Variants in SGPP2 observed in about 807,000 individuals in gnomAD.
SGPP2 encodes the protein sphingosine-1-phosphate phosphatase 2, also known as sphingosine 1-phosphate phosphohydrolase 2.
Under a neutral mutation model 33.9 loss-of-function variants are expected in SGPP2, and 30 were observed. The ratio of observed to expected loss-of-function variants is 0.89; its 90% CI spans 0.66 to 1.20. The LOEUF (loss-of-function observed/expected upper bound fraction) is 1.20, where lower values mean the gene tolerates loss of function less well. Ranked by LOEUF, SGPP2 falls within the 50% of genes most tolerant of loss-of-function variation. The pLI is 0.00. For missense variants in SGPP2, 458 were observed against 532.1 expected (o/e 0.86, Z 1.37); for synonymous variants, 233 against 225.0 (o/e 1.04, Z -0.32).
chr2:222,468,269 C>T (rs185278652), intron 1 of SGPP2, among the ~76,000 whole-genome samples: 130 of 152,056 alleles, frequency 8.5e-4, no homozygotes, highest in African/African-American at 3.1e-3. Context: ...TTGGTGGACC[C>T]TACTTCATTT....
At position 222,477,107 on chromosome 2, in the gene SGPP2, G is replaced by T. The variant is rs925129946; in HGVS notation, c.378+2381G>T. Among the ~76,000 whole-genome samples the T allele has an allele frequency of 2.7e-5, 4 of 150,908 alleles. No individual in the cohort carries two copies. The highest frequency in any genetic ancestry group is 9.8e-5 in the African/African-American group (4 of 40,858). ...TATATTTGTGAATGTATGTATATAGGTGTGTATATATGTGTATGTGTGTGT... is the reference window on the plus strand; with the variant it reads ...TATATTTGTGAATGTATGTATATAGTTGTGTATATATGTGTATGTGTGTGT... On this transcript the variant is annotated intron_variant, in intron 2 of 4. Transcript: ENST00000321276. The surrounding 1 kb of genome is among the most constrained non-coding windows in gnomAD (Gnocchi z 6.0).
intron 2 of SGPP2, among the ~76,000 whole-genome samples, chr2:222,505,934 C>CAAAAAAAAAAAAAAAAAA: frequency 1.1e-5 from 1 of 95,088 alleles, no homozygotes; most frequent in Non-Finnish European, 2.2e-5. Context: ...AACTCTGTCT[C>CAAAAAAAAAAAAAAAAAA]AAAAAAAAAA....
At chr2:222,521,479 A>G (rs1481067116) in intron 2 of SGPP2, among the ~76,000 whole-genome samples, 1 of 151,758 alleles carries the variant, frequency 6.6e-6, no homozygotes. Context: ...CTCCTAGAAC[A>G]GTGTCCAACA....
chr2:222,446,098 A>G (rs1697394853), intron 1 of SGPP2, among the ~76,000 whole-genome samples: 1 of 152,190 alleles, frequency 6.6e-6, no homozygotes, highest in African/African-American at 2.4e-5. Context: ...TGCTAGGTGA[A>G]CACTCTGGGG....
chr2:222,452,563 G>A, intron 1 of SGPP2: 1 of 1,189,938 alleles, frequency 8.4e-7, no homozygotes, highest in Non-Finnish European at 1.3e-6. Flanking sequence ...ATGCAGGACT[G>A]TAGAGATTCC....
chr2:222,452,889 A>G, intron 1 of SGPP2: 6 of 1,604,614 alleles, frequency 3.7e-6, no homozygotes, highest in Non-Finnish European at 5.1e-6. Flanking sequence ...CCAGGTCTTC[A>G]CCTGTTTGTA....
intron 2 of SGPP2, chr2:222,498,153 C>T (rs1391398277): frequency 6.6e-6 from 1 of 152,120 alleles, no homozygotes; most frequent in East Asian, 1.9e-4. Context: ...TTCAGTGTTG[C>T]CTCAACCATC....
intron 1 of SGPP2, among the ~76,000 whole-genome samples, chr2:222,458,805 A>T (rs947577434): frequency 5.3e-5 from 8 of 152,130 alleles, no homozygotes; most frequent in Non-Finnish European, 1.2e-4. Flanking sequence ...CCTCACCCCC[A>T]GCCCAGCGCA....
Position 222,454,748 on chromosome 2 carries a change from A to C in SGPP2, c.220-19820A>C, listed in dbSNP as rs539652742. Among the ~76,000 whole-genome samples the C allele has an allele frequency of 3.9e-4, 60 of 152,108 alleles. No individual in the cohort carries two copies. The South Asian group carries it at 0.012, about 32-fold the overall frequency. On this transcript the variant is annotated intron_variant, in intron 1 of 4. Coordinates refer to ENST00000321276, the MANE Select transcript of SGPP2 (RefSeq NM_152386.4). ...GTGGAGCTGTTAAAAAAAAAAAAAAAAACAGGCCAATTTGAACCTCACTCC... is the reference window on the plus strand; with the variant it reads ...GTGGAGCTGTTAAAAAAAAAAAAAACAACAGGCCAATTTGAACCTCACTCC...
chr2:222,527,093 A>G (rs1258073461), intron 4 of SGPP2, among the ~76,000 whole-genome samples: 1 of 152,248 alleles, frequency 6.6e-6, no homozygotes, highest in Non-Finnish European at 1.5e-5. Context: ...AACCCACCTC[A>G]ATAGAAACAC....
chr2:222,501,146 T>C (rs4674660), intron 2 of SGPP2, among the ~76,000 whole-genome samples: 135,887 of 152,172 alleles, frequency 0.89, 61,102 homozygotes, highest in East Asian at 1. Flanking sequence ...TGCACAAGTG[T>C]GTTAGGGCTT....
chr2:222,528,663 C>T (rs1446687297), intron 4 of SGPP2, among the ~76,000 whole-genome samples: 1 of 152,166 alleles, frequency 6.6e-6, no homozygotes, highest in Admixed American at 6.5e-5. Context: ...GTCACCTGGG[C>T]TGGAGTGCAG....
At chr2:222,469,972 G>A (rs1244782051) in intron 1 of SGPP2, among the ~76,000 whole-genome samples, 1 of 152,202 alleles carries the variant, frequency 6.6e-6, no homozygotes, top group Non-Finnish European at 1.5e-5. Context: ...CAGGGACATG[G>A]ATGAAGCTGG....
chr2:222,429,631 A>C (rs193017335), intron 1 of SGPP2, among the ~76,000 whole-genome samples: 17 of 152,318 alleles, frequency 1.1e-4, no homozygotes, highest in African/African-American at 3.1e-4. Context: ...CAGGATGGAT[A>C]TACTGTAATT....
chr2:222,440,675 T>C (rs563588241), intron 1 of SGPP2, among the ~76,000 whole-genome samples: 1 of 152,268 alleles, frequency 6.6e-6, no homozygotes, highest in Non-Finnish European at 1.5e-5. Context: ...TTTTTTAACA[T>C]TTTGTTAAGC....
rs1306968136 is a variant in SGPP2 at position 222,559,159 on chromosome 2, G to GCCCCCC, written c.*262_*263insCCCCCC. ...ATCCGGATCTTTAAAGGCACACACCGCGCCCCCCCCCCCCCCGCCCGGCCC... is the reference window on the plus strand; with the variant it reads ...ATCCGGATCTTTAAAGGCACACACCGCCCCCCCGCCCCCCCCCCCCCCGCCCGGCCC... On this transcript the variant is annotated 3_prime_UTR_variant, in exon 5 of 5. Transcript: ENST00000321276. 6 of 25,568 alleles carry GCCCCCC rather than the reference G, an allele frequency of 2.3e-4. No homozygotes were observed. The highest frequency in any genetic ancestry group is 1.3e-3 in the African/African-American group (5 of 3,950). 1.6% of individuals were successfully genotyped at this position (25,568 alleles called of 1,614,324 possible).
At chr2:222,539,131 C>G (rs535588701) in intron 4 of SGPP2, among the ~76,000 whole-genome samples, 90 of 152,234 alleles carry the variant, frequency 5.9e-4, no homozygotes, top group Admixed American at 2.8e-3. Flanking sequence ...CGTCTAGGAG[C>G]CTGTAAAATC....
intron 2 of SGPP2, among the ~76,000 whole-genome samples, chr2:222,506,005 T>C (rs1350542503): frequency 1.3e-5 from 2 of 151,694 alleles, no homozygotes; most frequent in Non-Finnish European, 2.9e-5. Flanking sequence ...AAACTATATA[T>C]GACGCCAGTC....
intron 4 of SGPP2, among the ~76,000 whole-genome samples, chr2:222,525,684 C>T (rs1013771359): frequency 6.6e-6 from 1 of 152,222 alleles, no homozygotes; most frequent in African/African-American, 2.4e-5. Flanking sequence ...ATAAGGCTGG[C>T]CATGGTCGAC....
Sources: gnomAD v4.1 joint callset for allele counts (sites outside exome capture counted in the v4.1 genomes callset) on GRCh38, gnomAD v4.1.1 for gene constraint, Gnocchi (gnomAD v3.1) non-coding constraint, MANE v1.5 for transcripts, NCBI Gene and HGNC (gene_info 2026-07-23, HGNC 2026-07-21) for gene names.